ABTB1: variants seen among roughly 807,000 people sequenced by gnomAD.
The protein encoded by ABTB1 is ankyrin repeat and BTB/POZ domain-containing protein 1.
Under a neutral mutation model 57.1 loss-of-function variants are expected in ABTB1, and 45 were observed. The ratio of observed to expected loss-of-function variants is 0.79; its 90% confidence interval spans 0.62 to 1.01. The LOEUF is 1.01. ABTB1 is among the 50% of genes least tolerant of loss of function. The pLI, the probability that ABTB1 is intolerant of heterozygous loss-of-function variation, is 0.00. For missense variants in ABTB1, 630 were observed against 666.3 expected, an observed-to-expected ratio of 0.95 and a Z score of 0.60; for synonymous variants, 302 against 275.4, an observed-to-expected ratio of 1.10 and a Z score of -0.95.
chr3:127,676,566 C>T lies in ABTB1; in HGVS notation c.511C>T (p.Gln171Ter), dbSNP rs766185718. The change falls in exon 6 of 12, where the codon CAG (glutamine) becomes TAG (stop). Residue 171 changes from glutamine to a stop codon, truncating the protein, a stop_gained. Coordinates refer to ENST00000232744, the MANE Select transcript of ABTB1 (RefSeq NM_172027.3). LOFTEE classifies it high-confidence loss of function. The surrounding 1 kb of genome is among the most constrained non-coding windows in gnomAD (Gnocchi z 5.4). ...INPVAFGALLQYLYTGRLDIG... is the reference protein window; with the variant it reads ...INPVAFGALL ...CCCCGTGGCCTTTGGGGCCCTGCTGCAGTACCTGTACACAGGTGACCCCCT... is the reference window on the plus strand; with the variant it reads ...CCCCGTGGCCTTTGGGGCCCTGCTGTAGTACCTGTACACAGGTGACCCCCT... The T allele has an allele frequency of 1.2e-6, 2 of 1,613,890 alleles. No homozygotes were observed.
rs776595322 is a variant in ABTB1 at position 127,677,009 on chromosome 3, G to A, written c.569G>A (p.Arg190His). Residue 190 changes from arginine (R) to histidine (H), a missense_variant, in exon 7 of 12, where the codon CGC (arginine) becomes CAC (histidine). By Grantham distance (29) the Arg-to-His change is conservative. Coordinates refer to ENST00000232744, the MANE Select transcript of ABTB1 (RefSeq NM_172027.3). The part of the protein sequence containing the change: ...IGVEHVSDCE[R>H]LAKQCQLWDL... ...GTAGAGCATGTGAGTGACTGTGAGCGCCTGGCCAAGCAATGCCAGCTGTGG... is the reference window on the plus strand; with the variant it reads ...GTAGAGCATGTGAGTGACTGTGAGCACCTGGCCAAGCAATGCCAGCTGTGG... 1.1e-5 allele frequency: 17 copies of A among 1,613,906 alleles called. No individual in the cohort carries two copies. Among genetic ancestry groups the A allele is most frequent in the African/African-American group, 4.0e-5 (3 of 74,928 alleles).
At position 127,675,967 on chromosome 3, in the gene ABTB1, C is replaced by G. The variant is rs974205481; in HGVS notation, c.176-3C>G. The G allele has an allele frequency of 1.2e-6, 2 of 1,604,326 alleles. No homozygotes were observed. The highest frequency in any genetic ancestry group is 2.7e-5 in the African/African-American group (2 of 74,874). ...GCTAACTGGTGAGCCCTGCCTCCCC[C>G]AGGAGCCCGCTGCGAGGCCAACACC... On this transcript the variant is annotated splice_region_variant and splice_polypyrimidine_tract_variant and intron_variant, in intron 3 of 11. Coordinates refer to ENST00000232744, the MANE Select transcript of ABTB1 (RefSeq NM_172027.3).
At chr3:127,673,274 G>A (rs906056852) in intron 1 of ABTB1, 193 bp downstream of exon 1, 2 of 450,518 alleles carry the variant, frequency 4.4e-6, no homozygotes, top group South Asian at 6.1e-5. Flanking sequence ...CTGGGGCGGG[G>A]ACACTGATGG....
chr3:127,673,050 A>G lies in ABTB1; in HGVS notation c.25A>G (p.Ser9Gly), dbSNP rs747643282. Reference sequence around the variant, plus strand: ...CATGGACACCAGCGACCTGTTCGCCAGCTGCAGGAAGGGGGATGTGGGCCG... The same window carrying G: ...CATGGACACCAGCGACCTGTTCGCCGGCTGCAGGAAGGGGGATGTGGGCCG... Reference protein sequence around the residue: MDTSDLFASCRKGDVGRVR... With the variant: MDTSDLFAGCRKGDVGRVR... The change falls in exon 1 of 12, where the codon AGC becomes GGC. Residue 9 changes from serine (S) to glycine (G), a missense_variant. This residue lies in a region of ABTB1 where 579 missense variants were observed against 585.9 expected (regional missense o/e 0.99). Coordinates refer to ENST00000232744, the MANE Select transcript of ABTB1 (RefSeq NM_172027.3). 1.9e-6 allele frequency: 3 copies of G among 1,574,848 alleles called. No homozygotes were observed. The highest frequency in any genetic ancestry group is 2.6e-6 in the Non-Finnish European group (3 of 1,160,498).
rs1026331336 is a variant in ABTB1, at chr3:127,680,115, T to C, written c.1160T>C (p.Val387Ala). 6.2e-7 allele frequency: 1 copy of C among 1,613,896 alleles called. No homozygotes were observed. Among genetic ancestry groups the C allele is most frequent in the Non-Finnish European group, 8.5e-7 (1 of 1,180,022 alleles). ...DEDTVVGVWR[V>A]AKLFRLARLE... ...GACACTGTGGTGGGTGTGTGGCGCG[T>C]GGCCAAGCTCTTCCGCCTGGCGCGG... The change falls in exon 11 of 12, where the codon GTG (valine) becomes GCG (alanine). Residue 387 changes from valine to alanine, a missense_variant. Transcript: ENST00000232744.
chr3:127,680,882 G>T lies in ABTB1; in HGVS notation c.*407G>T. ...ACAGGGCCATTCAGGAAGGGCTGGG[G>T]GAGTGTGTGTGGCAATAAAGCTTGA... On this transcript the variant is annotated 3_prime_UTR_variant, in exon 12 of 12. Coordinates refer to ENST00000232744, the MANE Select transcript of ABTB1 (RefSeq NM_172027.3). The T allele has an allele frequency of 1.8e-6, 1 of 558,284 alleles. No individual in the cohort carries two copies. Among genetic ancestry groups the T allele is most frequent in the East Asian group, 3.0e-5 (1 of 33,356 alleles). 34.6% of individuals were successfully genotyped at this position (558,284 alleles called of 1,614,324 possible).
Position 127,680,859 on chromosome 3 carries a change from A to G in ABTB1, c.*384A>G. 1 of 592,488 alleles carries G rather than the reference A, an allele frequency of 1.7e-6. No homozygotes were observed. Among genetic ancestry groups the G allele is most frequent in the Admixed American group, 3.1e-5 (1 of 31,836 alleles). The allele number at this position is 592,488 out of a possible 1,614,324, so 36.7% of individuals were successfully genotyped here. ...TCTCTAAGCTGGTGTTCCCATGCAC[A>G]GGGCCATTCAGGAAGGGCTGGGGGA... On this transcript the variant is annotated 3_prime_UTR_variant, in exon 12 of 12. Coordinates refer to ENST00000232744, the MANE Select transcript of ABTB1 (RefSeq NM_172027.3).
Position 127,680,352 on chromosome 3 carries a change from G to A in ABTB1, c.1314G>A (p.Pro438=), listed in dbSNP as rs765319118. The stretch of plus-strand genomic sequence containing the variant: ...CCCGGCAGGAGACGGACTCTATCCC[G>A]CTGGTGGACGACATCCGCTTCCACG... The part of the protein sequence containing the change: ...VAARQETDSI[P]LVDDIRFHVA... Residue 438 remains proline, a synonymous_variant, in exon 12 of 12, where the codon CCG becomes CCA. Transcript: ENST00000232744. The A allele has an allele frequency of 1.1e-5, 17 of 1,608,764 alleles. No homozygotes were observed. In the East Asian group the frequency reaches 1.8e-4, roughly 17 times the overall value.
In ABTB1 at chr3:127,676,870, T is replaced by G; in HGVS notation, c.527-97T>G. 1 of 1,258,986 alleles carries G rather than the reference T, an allele frequency of 7.9e-7. No homozygotes were observed. The allele number at this position is 1,258,986 out of a possible 1,614,324, so 78.0% of individuals were successfully genotyped here. Reference sequence around the variant, plus strand: ...CAAGTGGGCCCAGGAGTCCTAGTCCTGCAGCCAGGTGGCCAGGTGGGAGGG... The same window carrying G: ...CAAGTGGGCCCAGGAGTCCTAGTCCGGCAGCCAGGTGGCCAGGTGGGAGGG... On this transcript the variant is annotated intron_variant, in intron 6 of 11. Transcript: ENST00000232744. The surrounding 1 kb of genome is among the most constrained non-coding windows in gnomAD (Gnocchi z 5.4).
At chr3:127,673,493 A>G (rs2074899380) in intron 1 of ABTB1, 2 of 157,044 alleles carry the variant, frequency 1.3e-5, no homozygotes, top group Middle Eastern at 2.9e-3. Context: ...GGGAACACCT[A>G]GAGCCCATAA....
chr3:127,677,002 T>A lies in ABTB1; in HGVS notation c.562T>A (p.Cys188Ser). 1 of 1,613,996 alleles carries A rather than the reference T, an allele frequency of 6.2e-7. No individual in the cohort carries two copies. The highest frequency in any genetic ancestry group is 1.1e-5 in the South Asian group (1 of 91,064). Reference protein sequence around the residue: ...LDIGVEHVSDCERLAKQCQLW... With the variant: ...LDIGVEHVSDSERLAKQCQLW... ...CATTGGCGTAGAGCATGTGAGTGAC[T>A]GTGAGCGCCTGGCCAAGCAATGCCA... Residue 188 changes from cysteine to serine, a missense_variant, in exon 7 of 12, where the codon TGT becomes AGT. Coordinates refer to ENST00000232744, the MANE Select transcript of ABTB1 (RefSeq NM_172027.3).
chr3:127,679,159 C>G (rs1286030348), intron 10 of ABTB1: 1 of 188,192 alleles, frequency 5.3e-6, no homozygotes, highest in Non-Finnish European at 1.1e-5. Context: ...GGGCTCTTAA[C>G]CTGGGTTGAT....
Position 127,676,625 on chromosome 3 carries a change from C to T in ABTB1, c.526+44C>T. The T allele has an allele frequency of 6.2e-7, 1 of 1,608,832 alleles. No homozygotes were observed. Among genetic ancestry groups the T allele is most frequent in the Non-Finnish European group, 8.5e-7 (1 of 1,176,762 alleles). ...GGTAGGAGGAGAGGGAGTGGGCCGTCCTTCTGGACAGCAGTACACCTAGGT... is the reference window on the plus strand; with the variant it reads ...GGTAGGAGGAGAGGGAGTGGGCCGTTCTTCTGGACAGCAGTACACCTAGGT... On this transcript the variant is annotated intron_variant, in intron 6 of 11. Transcript: ENST00000232744. The surrounding 1 kb of genome is among the most constrained non-coding windows in gnomAD (Gnocchi z 5.4).
intron 10 of ABTB1, chr3:127,678,163 C>T (rs543457632): frequency 1.2e-4 from 35 of 289,870 alleles, no homozygotes; most frequent in African/African-American, 7.3e-4. Context: ...GCTGCAGATC[C>T]CTGGGGTTCT....
chr3:127,676,696 G>A lies in ABTB1; in HGVS notation c.526+115G>A, dbSNP rs1166939953. ...CCTCTAGACACTTCATGGTCCCCCC[G>A]GGGTGGTTCCAGCTGCCTCTCGGGT... On this transcript the variant is annotated intron_variant, in intron 6 of 11. Transcript: ENST00000232744. This position sits in a 1 kb window ranked among gnomAD's most constrained non-coding sequence, Gnocchi z 5.4. 1.9e-5 allele frequency: 27 copies of A among 1,401,232 alleles called. No homozygotes were observed. Among genetic ancestry groups the A allele is most frequent in the Middle Eastern group, 2.5e-4 (1 of 3,948 alleles). The allele number at this position is 1,401,232 out of a possible 1,614,324, so 86.8% of individuals were successfully genotyped here.
Position 127,677,780 on chromosome 3 carries a change from G to T in ABTB1, c.966G>T (p.Leu322=). The T allele has an allele frequency of 1.9e-6, 3 of 1,612,612 alleles. No homozygotes were observed. The highest frequency in any genetic ancestry group is 2.5e-6 in the Non-Finnish European group (3 of 1,179,624). The change falls in exon 10 of 12, where the codon CTG becomes CTT. Residue 322 remains leucine (L), a synonymous_variant. Transcript: ENST00000232744. The part of the protein sequence containing the change: ...ATSGGPPAVT[L]HGISPDVFTH... ...CAGGGGGCCCCCCAGCCGTCACCCT[G>T]CATGGCATCTCACCCGACGTCTTCA...
In ABTB1 at chr3:127,676,901, C is replaced by A. The variant is rs1183156911; in HGVS notation, c.527-66C>A. The A allele has an allele frequency of 6.6e-7, 1 of 1,518,352 alleles. No homozygotes were observed. The highest frequency in any genetic ancestry group is 2.3e-5 in the East Asian group (1 of 44,074). 94.1% of individuals were successfully genotyped at this position (1,518,352 alleles called of 1,614,324 possible). A position where few individuals can be genotyped will look rare whatever the true frequency, so the allele number is the denominator to read the frequency against. ...CAGGTGGCCAGGTGGGAGGGGATCA[C>A]CCTTTTTCTGTGGGCCTGATGACAG... On this transcript the variant is annotated intron_variant, in intron 6 of 11. Coordinates refer to ENST00000232744, the MANE Select transcript of ABTB1 (RefSeq NM_172027.3). This position sits in a 1 kb window ranked among gnomAD's most constrained non-coding sequence, Gnocchi z 5.4.
intron 10 of ABTB1, chr3:127,679,571 A>T (rs1238412959): frequency 6.5e-6 from 3 of 462,092 alleles, no homozygotes; most frequent in Admixed American, 2.3e-5. Context: ...CCATTCTGAC[A>T]GCCCCCGCAG....
At chr3:127,673,681 C>T in intron 1 of ABTB1, 1 of 153,836 alleles carries the variant, frequency 6.5e-6, no homozygotes, top group Non-Finnish European at 1.4e-5. Flanking sequence ...TTGGCCCTTC[C>T]TCCCCCTTGA....
Sources: allele counts gnomAD v4.1 joint callset, GRCh38; gene constraint gnomAD v4.1.1; regional missense constraint gnomAD v4.1.1; non-coding constraint Gnocchi (gnomAD v3.1); transcripts MANE v1.5; gene names NCBI Gene and HGNC (gene_info 2026-07-23, HGNC 2026-07-21).